The following TLN2 variants were observed in gnomAD, a reference collection of about 807,000 sequenced individuals.
TLN2 encodes talin 2, also known as talin-2.
TLN2 carries 118 observed loss-of-function variants against 294.7 expected under a neutral mutation model. That is an observed-to-expected ratio of 0.40 (90% CI 0.34 to 0.47). TLN2 has a LOEUF of 0.47. TLN2 is among the 20% of genes least tolerant of loss of function. The probability of loss-of-function intolerance (pLI) is 0.84; values close to 1 mark genes in which losing one functional copy is unlikely to be tolerated. For synonymous variants in TLN2, 1,431 were observed against 1,304.5 expected, an observed-to-expected ratio of 1.10 and a Z score of -2.09; for missense variants, 3,083 against 3,282.2, an observed-to-expected ratio of 0.94 and a Z score of 1.48.
intron 1 of TLN2, among the ~76,000 whole-genome samples, chr15:62,444,257 C>G (rs2035701621): frequency 6.6e-6 from 1 of 152,184 alleles, no homozygotes; most frequent in Non-Finnish European, 1.5e-5. Context: ...AGAAATGGGC[C>G]TTGGTCTTCA....
At chr15:62,593,674 T>A (rs1471976731) in intron 2 of TLN2, among the ~76,000 whole-genome samples, 1 of 152,222 alleles carries the variant, frequency 6.6e-6, no homozygotes, top group Non-Finnish European at 1.5e-5. Context: ...CTTTTTTAGC[T>A]GCGAAATTCC....
chr15:62,465,989 G>A (rs1390087208), intron 1 of TLN2, among the ~76,000 whole-genome samples: 1 of 152,184 alleles, frequency 6.6e-6, no homozygotes, highest in Non-Finnish European at 1.5e-5. Flanking sequence ...GACTGGCGTG[G>A]TGGCTGGTGA....
In TLN2 at chr15:62,771,119, T is replaced by G; in HGVS notation, c.5352T>G (p.Gly1784=). Residue 1784 remains glycine (G), a synonymous_variant, in exon 42 of 59, where the codon GGT becomes GGG. Transcript: ENST00000636159. ...ALQMLYAAKE[G]GGNPKAQHTH... is the part of the protein sequence containing the mutation. ...AGATGTTGTATGCAGCCAAAGAAGG[T>G]GGCGGAAACCCCAAGGTATGGTCCA... The G allele has an allele frequency of 6.2e-7, 1 of 1,610,102 alleles. No individual in the cohort carries two copies. Among genetic ancestry groups the G allele is most frequent in the Non-Finnish European group, 8.5e-7 (1 of 1,177,506 alleles).
intron 46 of TLN2, 44 bp from the exon 47 acceptor site, chr15:62,796,083 C>T (rs751047099): frequency 6.2e-7 from 1 of 1,601,340 alleles, no homozygotes; most frequent in Admixed American, 1.7e-5. Flanking sequence ...AGGTCCTGTT[C>T]TCTCCATTTC....
At chr15:62,527,715 A>G (rs764593389) in intron 1 of TLN2, among the ~76,000 whole-genome samples, 4 of 152,202 alleles carry the variant, frequency 2.6e-5, no homozygotes, top group Non-Finnish European at 4.4e-5. Context: ...TTAACTTTCA[A>G]TTCCAGGGCT....
chr15:62,788,547 A>G (rs1482420435), intron 45 of TLN2, among the ~76,000 whole-genome samples: 14 of 152,192 alleles, frequency 9.2e-5, no homozygotes. Context: ...GTGAGATAAC[A>G]ATCTTTTTTT....
chr15:62,398,209 G>A (rs12906693), intron 1 of TLN2, among the ~76,000 whole-genome samples: 5,743 of 152,200 alleles, frequency 0.038, 124 homozygotes, highest in African/African-American at 0.044. Flanking sequence ...GAGATCTCAC[G>A]AGATCTGATG....
intron 54 of TLN2, chr15:62,832,057 C>T (rs761854697): frequency 6.6e-6 from 1 of 150,504 alleles, no homozygotes; most frequent in Non-Finnish European, 1.5e-5. Flanking sequence ...CTTCCTGAGC[C>T]TGGGTTTTCT....
chr15:62,567,415 T>C (rs2043494881), intron 1 of TLN2, among the ~76,000 whole-genome samples: 1 of 152,076 alleles, frequency 6.6e-6, no homozygotes, highest in Non-Finnish European at 1.5e-5. Flanking sequence ...GACCGAAAAA[T>C]AGTGTAAAGC....
chr15:62,683,729 TAG>T (rs1395699955), intron 11 of TLN2, among the ~76,000 whole-genome samples: 1 of 152,146 alleles, frequency 6.6e-6, no homozygotes, highest in Non-Finnish European at 1.5e-5. Flanking sequence ...GTATATGAGA[TAG>T]ATGGGTCTTC....
At chr15:62,606,827 C>T (rs1210813684) in intron 2 of TLN2, among the ~76,000 whole-genome samples, 4 of 152,104 alleles carry the variant, frequency 2.6e-5, no homozygotes, top group Admixed American at 6.5e-5. Context: ...TGTCATCTGC[C>T]GTGTAGTGTG....
chr15:62,522,766 TC>T (rs2140476414), intron 1 of TLN2, among the ~76,000 whole-genome samples: 1 of 150,478 alleles, frequency 6.6e-6, no homozygotes, highest in Non-Finnish European at 1.5e-5. Context: ...ACAGGACGAC[TC>T]CCAGGCGTCA....
intron 1 of TLN2, among the ~76,000 whole-genome samples, chr15:62,409,884 C>T (rs1384387481): frequency 1.3e-5 from 2 of 152,074 alleles, no homozygotes; most frequent in Admixed American, 1.3e-4. Context: ...ATTTTTTCCC[C>T]CTAAAGACAA....
At chr15:62,648,783 T>C (rs1031857488) in intron 4 of TLN2, among the ~76,000 whole-genome samples, 41 of 152,042 alleles carry the variant, frequency 2.7e-4, no homozygotes, top group Non-Finnish European at 2.4e-4. Flanking sequence ...TCCTGACCTC[T>C]GGTGATCTGC....
chr15:62,486,883 C>T (rs562070988), intron 1 of TLN2, among the ~76,000 whole-genome samples: 107 of 150,290 alleles, frequency 7.1e-4, no homozygotes, highest in Non-Finnish European at 8.3e-4. Context: ...GTCTGCTCTT[C>T]GATACAGGTA....
At chr15:62,644,611 C>T (rs1397524861) in intron 3 of TLN2, 1 of 455,986 alleles carries the variant, frequency 2.2e-6, no homozygotes, top group Admixed American at 2.4e-5. Context: ...CTTCCCAGCT[C>T]TCTGAGCCTC....
intron 3 of TLN2, among the ~76,000 whole-genome samples, chr15:62,627,806 A>G (rs942472826): frequency 6.6e-6 from 1 of 150,578 alleles, no homozygotes; most frequent in African/African-American, 2.4e-5. Context: ...ATCTTGTTAA[A>G]ACTTCCAGAA....
chr15:62,464,441 G>A (rs778641113), intron 1 of TLN2, among the ~76,000 whole-genome samples: 17 of 152,100 alleles, frequency 1.1e-4, no homozygotes, highest in Non-Finnish European at 2.4e-4. Context: ...GGGGAGTGGG[G>A]AGGGATAGCA....
chr15:62,780,553 T>A (rs570167498), intron 43 of TLN2, among the ~76,000 whole-genome samples: 1 of 152,344 alleles, frequency 6.6e-6, no homozygotes, highest in Non-Finnish European at 1.5e-5. Context: ...TCTCAGTTCT[T>A]CCACCCCACA....
Sources: gnomAD v4.1 joint callset for allele counts (sites outside exome capture counted in the v4.1 genomes callset) on GRCh38, gnomAD v4.1.1 for gene constraint, MANE v1.5 for transcripts, NCBI Gene and HGNC (gene_info 2026-07-23, HGNC 2026-07-21) for gene names.